C10orf88: variants seen among roughly 807,000 people sequenced by gnomAD.
The protein encoded by C10orf88 is chromosome 10 open reading frame 88, also known as ATPase PAAT.
A neutral mutation model predicts 34.2 loss-of-function variants in C10orf88; 29 were observed. The ratio of observed to expected loss-of-function variants is 0.85; its 90% CI spans 0.63 to 1.16. The LOEUF is 1.16. Among genes scored for constraint, C10orf88 ranks in the 50% most tolerant of loss-of-function variants. The pLI is 0.00. For missense variants in C10orf88, 507 were observed against 533.2 expected (o/e 0.95, Z 0.48); for synonymous variants, 194 against 197.4 (o/e 0.98, Z 0.15).
chr10:122,948,753 A>G lies in C10orf88; in HGVS notation c.544T>C (p.Ser182Pro). 1 of 1,614,024 alleles carries G rather than the reference A, an allele frequency of 6.2e-7. No homozygotes were observed. The highest frequency in any genetic ancestry group is 8.5e-7 in the Non-Finnish European group (1 of 1,179,900). ...NSSTSSPALGSRIDLDKVQTI... is the reference protein window; with the variant it reads ...NSSTSSPALGPRIDLDKVQTI... ...TGGACCTTGTCAAGGTCTATCCTTGATCCTAGAGCAGGAGAGCTTGTTGAA... is the reference window on the plus strand; with the variant it reads ...TGGACCTTGTCAAGGTCTATCCTTGGTCCTAGAGCAGGAGAGCTTGTTGAA... Residue 182 changes from serine (S) to proline (P), a missense_variant, in exon 4 of 6, where the codon TCA (serine) becomes CCA (proline). Transcript: ENST00000481909.
At chr10:122,938,481 G>T (rs1848554765) in intron 4 of C10orf88, among the ~76,000 whole-genome samples, 1 of 152,010 alleles carries the variant, frequency 6.6e-6, no homozygotes, top group African/African-American at 2.4e-5. Context: ...AAACTGCACT[G>T]ACACTAATGT....
At chr10:122,937,468 C>T (rs917039695) in intron 5 of C10orf88, among the ~76,000 whole-genome samples, 4 of 151,962 alleles carry the variant, frequency 2.6e-5, no homozygotes, top group African/African-American at 7.2e-5. Context: ...ACTTGTGACC[C>T]TTCCACAAAA....
At chr10:122,949,218 TACCA>T in intron 3 of C10orf88, among the ~76,000 whole-genome samples, 1 of 152,194 alleles carries the variant, frequency 6.6e-6, no homozygotes, top group East Asian at 1.9e-4. Flanking sequence ...TTGCATATAG[TACCA>T]ACCCCTATAT....
Position 122,930,951 on chromosome 10 carries a change from C to G in C10orf88, c.*1476G>C, listed in dbSNP as rs549610404. On this transcript the variant is annotated 3_prime_UTR_variant, in exon 6 of 6. Transcript: ENST00000481909. ...ATTCAATCGCCACTGAATTGAGAAGCAGGAGTATGGCTCACAAATCAACTT... is the reference window on the plus strand; with the variant it reads ...ATTCAATCGCCACTGAATTGAGAAGGAGGAGTATGGCTCACAAATCAACTT... 8 of 152,248 alleles carry G rather than the reference C, an allele frequency of 5.3e-5. No homozygotes were observed. The highest frequency in any genetic ancestry group is 4.6e-4 in the Admixed American group (7 of 15,290). 9.4% of individuals were successfully genotyped at this position (152,248 alleles called of 1,614,324 possible).
chr10:122,936,308 C>G (rs1258173022), intron 5 of C10orf88, among the ~76,000 whole-genome samples: 1 of 151,850 alleles, frequency 6.6e-6, no homozygotes, highest in Non-Finnish European at 1.5e-5. Context: ...GTAGTGACAT[C>G]TCATTACATT....
intron 5 of C10orf88, among the ~76,000 whole-genome samples, chr10:122,936,411 G>A (rs1848534409): frequency 6.6e-6 from 1 of 151,660 alleles, no homozygotes. Flanking sequence ...ACTGGCTTTT[G>A]GCTTCATTGA....
intron 3 of C10orf88, among the ~76,000 whole-genome samples, chr10:122,949,063 C>A (rs1848666529): frequency 6.6e-6 from 1 of 152,022 alleles, no homozygotes. Context: ...AAATAAGAGT[C>A]CTTTCAAAAA....
At chr10:122,943,331 C>G (rs1848604456) in intron 4 of C10orf88, among the ~76,000 whole-genome samples, 1 of 149,360 alleles carries the variant, frequency 6.7e-6, no homozygotes, top group African/African-American at 2.5e-5. Context: ...ATGTAGAAAG[C>G]TGAAACTGGA....
At chr10:122,944,073 C>A (rs1057081186) in intron 4 of C10orf88, among the ~76,000 whole-genome samples, 24 of 151,822 alleles carry the variant, frequency 1.6e-4, no homozygotes, top group Non-Finnish European at 3.1e-4. Flanking sequence ...GACACATGCA[C>A]ACATATATTT....
intron 5 of C10orf88, among the ~76,000 whole-genome samples, chr10:122,935,843 T>A (rs972429401): frequency 1.3e-5 from 2 of 151,742 alleles, no homozygotes; most frequent in African/African-American, 4.8e-5. Flanking sequence ...ATATATTTTG[T>A]TAGGTTTATA....
chr10:122,953,182 A>T, intron 1 of C10orf88, 150 bp from the exon 2 acceptor site: 2 of 654,466 alleles, frequency 3.1e-6, no homozygotes, highest in South Asian at 1.9e-5. Context: ...GGTTCACGCC[A>T]TTCTCCTGCC....
At chr10:122,932,731 C>T in intron 5 of C10orf88, 70 bp from the exon 6 acceptor site, 2 of 1,055,582 alleles carry the variant, frequency 1.9e-6, no homozygotes, top group Non-Finnish European at 1.4e-6. Context: ...ATAAAACAAG[C>T]AGCCAACATA....
At chr10:122,940,938 T>A (rs1274711692) in intron 4 of C10orf88, among the ~76,000 whole-genome samples, 1 of 152,078 alleles carries the variant, frequency 6.6e-6, no homozygotes, top group Non-Finnish European at 1.5e-5. Flanking sequence ...TGTATATGTA[T>A]AACTACATAT....
Position 122,945,330 on chromosome 10 carries a change from G to C in C10orf88, c.648+3319C>G, listed in dbSNP as rs137948669. On this transcript the variant is annotated intron_variant, in intron 4 of 5. Transcript: ENST00000481909. ...AATTATGTATACTGTATACTACTTA[G>C]TAATAATAATCAATGACTATGTTGC... 1.4e-4 allele frequency among the ~76,000 whole-genome samples: 22 copies of C among 152,284 alleles called. 1 individual carries two copies. The East Asian group carries it at 4.2e-3, about 29-fold the overall frequency.
chr10:122,941,582 T>C (rs1848583388), intron 4 of C10orf88, among the ~76,000 whole-genome samples: 1 of 152,116 alleles, frequency 6.6e-6, no homozygotes. Flanking sequence ...TGCAGAAAGT[T>C]ACACAGCTTA....
At chr10:122,945,079 C>A (rs975133483) in intron 4 of C10orf88, among the ~76,000 whole-genome samples, 1 of 149,950 alleles carries the variant, frequency 6.7e-6, no homozygotes, top group South Asian at 2.1e-4. Context: ...TGTATATATA[C>A]GTATATATAT....
intron 3 of C10orf88, among the ~76,000 whole-genome samples, chr10:122,951,013 T>A (rs184325697): frequency 6.6e-6 from 1 of 152,312 alleles, no homozygotes; most frequent in Admixed American, 6.5e-5. Flanking sequence ...GCTCTCTAAT[T>A]TTACCCATGA....
At chr10:122,946,395 C>T (rs1158510919) in intron 4 of C10orf88, among the ~76,000 whole-genome samples, 1 of 152,118 alleles carries the variant, frequency 6.6e-6, no homozygotes, top group African/African-American at 2.4e-5. Flanking sequence ...TTATAACTGC[C>T]TAGAGTATTC....
At position 122,952,936 on chromosome 10, in the gene C10orf88, G is replaced by A; in HGVS notation, c.261C>T (p.Ile87=). 1.2e-6 allele frequency: 2 copies of A among 1,614,086 alleles called. No individual in the cohort carries two copies. Among genetic ancestry groups the A allele is most frequent in the African/African-American group, 1.3e-5 (1 of 75,010 alleles). ...LRCGPDGGEE[I]ASIGILSSAR... ...CTGAACTTAAAATGCCAATAGAAGC[G>A]ATTTCTTCACCTCCATCAGGGCCAC... The change falls in exon 2 of 6, where the codon ATC becomes ATT. Residue 87 remains isoleucine, a synonymous_variant. Transcript: ENST00000481909.
Sources: allele counts gnomAD v4.1 joint callset (sites outside exome capture counted in the v4.1 genomes callset), GRCh38; gene constraint gnomAD v4.1.1; transcripts MANE v1.5; gene names NCBI Gene and HGNC (gene_info 2026-07-23, HGNC 2026-07-21).